Variants in IGFLR1 observed in about 807,000 individuals in gnomAD.
The protein encoded by IGFLR1 is IGF-like family receptor 1.
In IGFLR1, 17 loss-of-function variants were observed where a neutral mutation model predicts 23.4. That is an observed-to-expected ratio of 0.73 (90% CI 0.50 to 1.09). The LOEUF (loss-of-function observed/expected upper bound fraction) is 1.09, where lower values mean the gene tolerates loss of function less well. IGFLR1 is among the 50% of genes least tolerant of loss of function. The pLI is 0.00. For synonymous variants in IGFLR1, 265 were observed against 210.7 expected (o/e 1.26, Z -2.23); for missense variants, 556 against 459.2 (o/e 1.21, Z -1.93).
In IGFLR1 at chr19:35,740,418, C is replaced by A. The variant is rs773177292; in HGVS notation, c.304G>T (p.Ala102Ser). ...CACGGGGTTCTGCCCCCGCCCGCGG[C>A]GGGAGTAGGGGTCACGGCTCCGCCG... ...CGGGAVTPTP[A>S]AGGGRTPWRC... Residue 102 changes from alanine (A) to serine (S), a missense_variant, in exon 3 of 5, where the codon GCC (alanine) becomes TCC (serine). Coordinates refer to ENST00000246532, the MANE Select transcript of IGFLR1 (RefSeq NM_024660.4). The A allele has an allele frequency of 3.7e-6, 6 of 1,607,550 alleles. No homozygotes were observed. The highest frequency in any genetic ancestry group is 4.2e-6 in the Non-Finnish European group (5 of 1,177,468).
At position 35,739,411 on chromosome 19, in the gene IGFLR1, T is replaced by G; in HGVS notation, c.937A>C (p.Ile313Leu). The G allele has an allele frequency of 6.2e-7, 1 of 1,613,694 alleles. No individual in the cohort carries two copies. Among genetic ancestry groups the G allele is most frequent in the East Asian group, 2.2e-5 (1 of 44,872 alleles). Reference sequence around the variant, plus strand: ...GGCTCCCTTGCCACCACCATCTCAATCAGAGCCCGCAGCGGCGAGCGACTC... The same window carrying G: ...GGCTCCCTTGCCACCACCATCTCAAGCAGAGCCCGCAGCGGCGAGCGACTC... ...RPSRSPLRAL[I>L]EMVVAREPSA... is the part of the protein sequence containing the mutation. Residue 313 changes from isoleucine to leucine, a missense_variant, in exon 5 of 5, where the codon ATT becomes CTT. Physicochemically the swap from Ile to Leu is conservative, Grantham distance 5 (BLOSUM62 2). Coordinates refer to ENST00000246532, the MANE Select transcript of IGFLR1 (RefSeq NM_024660.4).
At chr19:35,742,031 C>A (rs533850009) in intron 1 of IGFLR1, among the ~76,000 whole-genome samples, 17 of 152,220 alleles carry the variant, frequency 1.1e-4, no homozygotes, top group African/African-American at 4.1e-4. Flanking sequence ...ATTGCTTGAA[C>A]CTGGGAAGTG....
Position 35,740,080 on chromosome 19 carries a change from G to C in IGFLR1, c.351C>G (p.Val117=), listed in dbSNP as rs528203341. 5.6e-6 allele frequency: 9 copies of C among 1,611,606 alleles called. No homozygotes were observed. In the Admixed American group the frequency reaches 8.4e-5, roughly 15 times the overall value. ...RTPWRCRERP[V]PAKGHCPLTP... is the part of the protein sequence containing the mutation. ...TGAGGGGGCAGTGCCCCTTGGCAGGGACCGGCCTCTGGGGATAAGGGGTTG... is the reference window on the plus strand; with the variant it reads ...TGAGGGGGCAGTGCCCCTTGGCAGGCACCGGCCTCTGGGGATAAGGGGTTG... Residue 117 remains valine (V), a synonymous_variant, in exon 4 of 5, where the codon GTC becomes GTG. Transcript: ENST00000246532.
chr19:35,740,183 C>A, intron 3 of IGFLR1, 95 bp from the exon 4 acceptor site: 2 of 1,425,420 alleles, frequency 1.4e-6, no homozygotes, highest in Non-Finnish European at 1.8e-6. Context: ...GGGGCCACAT[C>A]CCATCTGATA....
chr19:35,742,292 TAGGGCTCCTCCCACCTGCCACAACC>T, intron 1 of IGFLR1, 79 bp downstream of exon 1: 1 of 922,018 alleles, frequency 1.1e-6, no homozygotes, highest in Non-Finnish European at 1.5e-6. Flanking sequence ...TCCTTGGGGC[TAGGGCTCCTCCCACCTGCCACAACC>T]AGGTCTCTCC....
intron 1 of IGFLR1, 119 bp from the exon 2 acceptor site, chr19:35,741,342 G>A (rs1435525069): frequency 1.9e-6 from 2 of 1,026,284 alleles, no homozygotes; most frequent in Non-Finnish European, 2.9e-6. Flanking sequence ...CAACTGAGCC[G>A]GTTATCAGAG....
rs1599712100 is a variant in IGFLR1, at chr19:35,739,907, A to C, written c.524T>G (p.Val175Gly). ...CAGAATAAACAGGAGGATCGCTATC[A>C]CCGCCAAGGTCAGGAGCAGGACCAG... ...VVLVLLLTLA[V>G]IAILLFILLW... is the part of the protein sequence containing the mutation. Residue 175 changes from valine (V) to glycine (G), a missense_variant, in exon 4 of 5, where the codon GTG (valine) becomes GGG (glycine). Coordinates refer to ENST00000246532, the MANE Select transcript of IGFLR1 (RefSeq NM_024660.4). 6.2e-7 allele frequency: 1 copy of C among 1,614,120 alleles called. No individual in the cohort carries two copies. The highest frequency in any genetic ancestry group is 1.1e-5 in the South Asian group (1 of 91,082).
At position 35,741,164 on chromosome 19, in the gene IGFLR1, C is replaced by T; in HGVS notation, c.17G>A (p.Cys6Tyr). The change falls in exon 2 of 5, where the codon TGC becomes TAC. Residue 6 changes from cysteine (C) to tyrosine (Y), a missense_variant. Physicochemically the swap from Cys to Tyr is radical, Grantham distance 194 (BLOSUM62 -2). Transcript: ENST00000246532. ...CAGAAGCAACAAGGCCGTCAGGAGG[C>T]ATCGTCCAGGCCCCATCTGGGGGGC... MGPGR[C>Y]LLTALLLLAL... is the part of the protein sequence containing the mutation. 4 of 1,606,246 alleles carry T rather than the reference C, an allele frequency of 2.5e-6. No homozygotes were observed. Among genetic ancestry groups the T allele is most frequent in the Non-Finnish European group, 3.4e-6 (4 of 1,175,606 alleles).
At chr19:35,740,903 A>G in intron 2 of IGFLR1, 121 bp downstream of exon 2, 2 of 914,870 alleles carry the variant, frequency 2.2e-6, no homozygotes, top group Non-Finnish European at 3.3e-6. Flanking sequence ...GATCTGCATA[A>G]GGCCCACCGC....
intron 2 of IGFLR1, 135 bp downstream of exon 2, chr19:35,740,889 G>A: frequency 1.3e-6 from 1 of 798,754 alleles, no homozygotes; most frequent in East Asian, 2.7e-5. Context: ...TGCCATCCCT[G>A]TCTGATCTGC....
chr19:35,740,591 G>A (rs763273319), intron 2 of IGFLR1, 27 bp from the exon 3 acceptor site: 1 of 1,577,000 alleles, frequency 6.3e-7, no homozygotes, highest in Non-Finnish European at 8.6e-7. Flanking sequence ...GCTCCAGTGC[G>A]GCCGCCTAGC....
chr19:35,740,541 C>T lies in IGFLR1; in HGVS notation c.181G>A (p.Gly61Arg), dbSNP rs146932222. The T allele has an allele frequency of 1.1e-5, 17 of 1,609,132 alleles. No individual in the cohort carries two copies. In the African/African-American group the frequency reaches 2.0e-4, roughly 19 times the overall value. ...ACGAAATCGCCGTGGTCATTGAGTC[C>T]GCAGTTTTCCCGGAACTCATAGTCT... ...CPDYEFRENC[G>R]LNDHGDFVTP... Residue 61 changes from glycine to arginine, a missense_variant, in exon 3 of 5, where the codon GGA becomes AGA. Gly to Arg is a moderately radical substitution (Grantham distance 125). Coordinates refer to ENST00000246532, the MANE Select transcript of IGFLR1 (RefSeq NM_024660.4).
Position 35,739,887 on chromosome 19 carries a change from T to G in IGFLR1, c.544A>C (p.Ile182Leu), listed in dbSNP as rs45459701. Residue 182 changes from isoleucine (I) to leucine (L), a missense_variant, in exon 4 of 5, where the codon ATT (isoleucine) becomes CTT (leucine). Coordinates refer to ENST00000246532, the MANE Select transcript of IGFLR1 (RefSeq NM_024660.4). ...GGCCAGCAGAGATGCCAGAGCAGAA[T>G]AAACAGGAGGATCGCTATCACCGCC... ...TLAVIAILLF[I>L]LLWHLCWPKE... is the part of the protein sequence containing the mutation. 8,432 of 1,614,008 alleles carry G rather than the reference T, an allele frequency of 5.2e-3. 37 individuals carry two copies. Among genetic ancestry groups the G allele is most frequent in the Non-Finnish European group, 6.1e-3 (7,202 of 1,179,982 alleles).
At position 35,739,296 on chromosome 19, in the gene IGFLR1, C is replaced by A; in HGVS notation, c.1052G>T (p.Gly351Val). The A allele has an allele frequency of 2.5e-6, 4 of 1,595,406 alleles. No individual in the cohort carries two copies. Among genetic ancestry groups the A allele is most frequent in the Admixed American group, 3.4e-5 (2 of 58,724 alleles). The change falls in exon 5 of 5, where the codon GGG becomes GTG. Residue 351 changes from glycine to valine, a missense_variant. Coordinates refer to ENST00000246532, the MANE Select transcript of IGFLR1 (RefSeq NM_024660.4). ...LRVLSKLGSS[G>V]VCWA Reference sequence around the variant, plus strand: ...TATTGGGTGTTAAGCCCAGCAAACCCCAGATGAGCCAAGCTTGGACAGCAC... The same window carrying A: ...TATTGGGTGTTAAGCCCAGCAAACCACAGATGAGCCAAGCTTGGACAGCAC...
Position 35,740,034 on chromosome 19 carries a change from G to C in IGFLR1, c.397C>G (p.Pro133Ala), listed in dbSNP as rs748874369. The C allele has an allele frequency of 6.2e-7, 1 of 1,613,942 alleles. No individual in the cohort carries two copies. The highest frequency in any genetic ancestry group is 1.1e-5 in the South Asian group (1 of 91,076). The change falls in exon 4 of 5, where the codon CCT becomes GCT. Residue 133 changes from proline to alanine, a missense_variant. By Grantham distance (27) the Pro-to-Ala change is conservative. Transcript: ENST00000246532. ...GGTGAGCTGCGCTCCTGGGAGCTAGGGGCGCCTGGGTTTCCAGGTGTGAGG... is the reference window on the plus strand; with the variant it reads ...GGTGAGCTGCGCTCCTGGGAGCTAGCGGCGCCTGGGTTTCCAGGTGTGAGG... ...CPLTPGNPGA[P>A]SSQERSSPAS...
At position 35,739,608 on chromosome 19, in the gene IGFLR1, G is replaced by A; in HGVS notation, c.740C>T (p.Ser247Leu). The A allele has an allele frequency of 1.9e-6, 3 of 1,613,058 alleles. No individual in the cohort carries two copies. Among genetic ancestry groups the A allele is most frequent in the Non-Finnish European group, 2.5e-6 (3 of 1,179,214 alleles). Residue 247 changes from serine to leucine, a missense_variant, in exon 5 of 5, where the codon TCA becomes TTA. Coordinates refer to ENST00000246532, the MANE Select transcript of IGFLR1 (RefSeq NM_024660.4). ...ATCCAGGAGGCGAGACAGGGGTTGTGACGCCAGACTGGACAGTTCTGGAAG... is the reference window on the plus strand; with the variant it reads ...ATCCAGGAGGCGAGACAGGGGTTGTAACGCCAGACTGGACAGTTCTGGAAG... ...LLSRELSSLA[S>L]QPLSRLLDEL...
At chr19:35,741,850 G>A (rs1970261002) in intron 1 of IGFLR1, among the ~76,000 whole-genome samples, 1 of 151,792 alleles carries the variant, frequency 6.6e-6, no homozygotes, top group South Asian at 2.1e-4. Flanking sequence ...AGTGGCTCAT[G>A]CCTGTAATCC....
Position 35,740,091 on chromosome 19 carries a change from G to GGGGATAA in IGFLR1, c.343-10_343-4dup, listed in dbSNP as rs1568390355. ...TGCCCCTTGGCAGGGACCGGCCTCT[G>GGGGATAA]GGGATAAGGGGTTGGAGTAAAGCTG... On this transcript the variant is annotated splice_region_variant and splice_polypyrimidine_tract_variant and intron_variant, in intron 3 of 4. Transcript: ENST00000246532. 6.2e-7 allele frequency: 1 copy of GGGGATAA among 1,607,502 alleles called. No individual in the cohort carries two copies. Among genetic ancestry groups the GGGGATAA allele is most frequent in the Admixed American group, 1.7e-5 (1 of 59,348 alleles).
chr19:35,739,945 A>G lies in IGFLR1; in HGVS notation c.486T>C (p.Leu162=). 1 of 1,614,136 alleles carries G rather than the reference A, an allele frequency of 6.2e-7. No individual in the cohort carries two copies. Among genetic ancestry groups the G allele is most frequent in the South Asian group, 1.1e-5 (1 of 91,082 alleles). ...GGAGCAGGACCAGCACCACGAGCGG[A>G]AGGAAATTCGGCCAGGCCTGCTGAG... The part of the protein sequence containing the change: ...PVPQQAWPNF[L]PLVVLVLLLT... The change falls in exon 4 of 5, where the codon CTT becomes CTC. Residue 162 remains leucine, a synonymous_variant. Transcript: ENST00000246532.
Sources: gnomAD v4.1 joint callset for allele counts (sites outside exome capture counted in the v4.1 genomes callset) on GRCh38, gnomAD v4.1.1 for gene constraint, MANE v1.5 for transcripts, NCBI Gene and HGNC (gene_info 2026-07-23, HGNC 2026-07-21) for gene names.